Variants in PXDNL observed in about 807,000 individuals in gnomAD.
PXDNL encodes the protein probable oxidoreductase PXDNL.
A neutral mutation model predicts 150.8 loss-of-function variants in PXDNL; 145 were observed. That is an observed-to-expected ratio of 0.96 (90% CI 0.84 to 1.10). PXDNL has a LOEUF of 1.10. Among genes scored for constraint, PXDNL ranks in the 50% least tolerant of loss-of-function variants. PXDNL has a pLI of 0.00. For synonymous variants in PXDNL, 757 were observed against 725.7 expected, an observed-to-expected ratio of 1.04 and a Z score of -0.69; for missense variants, 2,087 against 1,873.9, an observed-to-expected ratio of 1.11 and a Z score of -2.10.
chr8:51,408,714 C>T lies in PXDNL; in HGVS notation c.2910G>A (p.Met970Ile). 2 of 1,592,604 alleles carry T rather than the reference C, an allele frequency of 1.3e-6. No individual in the cohort carries two copies. The highest frequency in any genetic ancestry group is 1.8e-5 in the Admixed American group (1 of 56,892). ...TGTGTTCCCGGAACCACAGGGTGTGCATGGCGGCCAGAGCCAGATGCTCGT... is the reference window on the plus strand; with the variant it reads ...TGTGTTCCCGGAACCACAGGGTGTGTATGGCGGCCAGAGCCAGATGCTCGT... ...RANEHLALAA[M>I]HTLWFREHNR... The change falls in exon 17 of 23, where the codon ATG becomes ATA. Residue 970 changes from methionine (M) to isoleucine (I), a missense_variant. Transcript: ENST00000356297.
chr8:51,361,724 G>A lies in PXDNL; in HGVS notation c.3901+10149C>T, dbSNP rs961545842. Among the ~76,000 whole-genome samples, 20 of 152,142 alleles carry A rather than the reference G, an allele frequency of 1.3e-4. No individual in the cohort carries two copies. In the East Asian group the frequency reaches 3.9e-3, roughly 29 times the overall value. ...CGCCTGTAATCTCAGCACTTTGAGA[G>A]GCCAAGGCAGGTGGATTACTTAAGG... On this transcript the variant is annotated intron_variant, in intron 19 of 22. Transcript: ENST00000356297.
At chr8:51,612,831 G>A (rs1178778196) in intron 2 of PXDNL, among the ~76,000 whole-genome samples, 2 of 152,164 alleles carry the variant, frequency 1.3e-5, no homozygotes, top group East Asian at 3.9e-4. Flanking sequence ...CTCAGTCTAT[G>A]ATATTTTGTT....
At chr8:51,546,156 G>A (rs956494339) in intron 4 of PXDNL, among the ~76,000 whole-genome samples, 4 of 152,222 alleles carry the variant, frequency 2.6e-5, no homozygotes, top group Non-Finnish European at 5.9e-5. Flanking sequence ...TACAAGTGCT[G>A]TGAGACAGCC....
intron 2 of PXDNL, among the ~76,000 whole-genome samples, chr8:51,618,196 G>A (rs7017055): frequency 0.023 from 3,487 of 152,312 alleles, 120 homozygotes; most frequent in African/African-American, 0.079. Context: ...AGACACTGGC[G>A]ATTACCAGAG....
At chr8:51,580,070 T>C (rs186289204) in intron 3 of PXDNL, among the ~76,000 whole-genome samples, 21 of 151,960 alleles carry the variant, frequency 1.4e-4, no homozygotes, top group Admixed American at 6.6e-4. Flanking sequence ...AAAGGTTATA[T>C]ATTTTATGTT....
intron 3 of PXDNL, among the ~76,000 whole-genome samples, chr8:51,567,701 T>C (rs1343709470): frequency 6.6e-6 from 1 of 151,744 alleles, no homozygotes; most frequent in Non-Finnish European, 1.5e-5. Context: ...TGTAACAGAG[T>C]ATAGTCATCC....
chr8:51,531,961 C>T (rs558773808), intron 4 of PXDNL, among the ~76,000 whole-genome samples: 15 of 152,230 alleles, frequency 9.9e-5, no homozygotes, highest in Non-Finnish European at 2.1e-4. Flanking sequence ...AAGAACACTC[C>T]CCAAACACGG....
rs528717180 is a variant in PXDNL, at chr8:51,408,178, C to T, written c.3446G>A (p.Gly1149Glu). ...TCTGAAGTCAACATATGGTGGGATC[C>T]CGTGGTCTCTACCCCTTTGAATGAT... is the stretch of plus-strand genomic sequence containing the variant. Reference protein sequence around the residue: ...ATIIQRGRDHGIPPYVDFRVF... With the variant: ...ATIIQRGRDHEIPPYVDFRVF... The change falls in exon 17 of 23, where the codon GGG becomes GAG. Residue 1149 changes from glycine (G) to glutamate (E), a missense_variant. Coordinates refer to ENST00000356297, the MANE Select transcript of PXDNL (RefSeq NM_144651.5). 1.2e-6 allele frequency: 2 copies of T among 1,613,990 alleles called. No homozygotes were observed. Among genetic ancestry groups the T allele is most frequent in the African/African-American group, 2.7e-5 (2 of 75,040 alleles).
chr8:51,589,324 GC>G (rs1328816996), intron 3 of PXDNL, among the ~76,000 whole-genome samples: 1 of 152,202 alleles, frequency 6.6e-6, no homozygotes, highest in Non-Finnish European at 1.5e-5. Flanking sequence ...CGCAGAAGTA[GC>G]TTTGGAACTG....
chr8:51,537,634 G>A (rs1212486090), intron 4 of PXDNL, among the ~76,000 whole-genome samples: 4 of 152,050 alleles, frequency 2.6e-5, no homozygotes, highest in Admixed American at 1.3e-4. Flanking sequence ...TGAGTGTCTG[G>A]GCCTTTTCCT....
At chr8:51,537,313 T>C (rs986124015) in intron 4 of PXDNL, among the ~76,000 whole-genome samples, 1 of 152,198 alleles carries the variant, frequency 6.6e-6, no homozygotes, top group Non-Finnish European at 1.5e-5. Flanking sequence ...CTGAGCACCA[T>C]GATAAGACAA....
intron 1 of PXDNL, chr8:51,721,619 A>T (rs1450976284): frequency 8.5e-6 from 3 of 352,546 alleles, no homozygotes; most frequent in African/African-American, 2.1e-5. Context: ...TGTACCCTAA[A>T]ACTTAAAGTA....
At chr8:51,377,312 G>A (rs1807354529) in intron 17 of PXDNL, among the ~76,000 whole-genome samples, 1 of 151,910 alleles carries the variant, frequency 6.6e-6, no homozygotes, top group Non-Finnish European at 1.5e-5. Context: ...GCCCATGCTG[G>A]ACTGCAGTGG....
At chr8:51,650,101 CAA>C (rs11451376) in intron 2 of PXDNL, among the ~76,000 whole-genome samples, 7 of 113,330 alleles carry the variant, frequency 6.2e-5, no homozygotes, top group East Asian at 2.6e-4. Context: ...GACTTTGTCT[CAA>C]AAAAAAAAAA....
intron 20 of PXDNL, 189 bp from the exon 21 acceptor site, chr8:51,339,942 T>C: frequency 2.0e-6 from 1 of 500,998 alleles, no homozygotes; most frequent in Non-Finnish European, 3.5e-6. Flanking sequence ...AAGATGATAA[T>C]CCAGAGTGTC....
chr8:51,601,824 G>A (rs1219927936), intron 2 of PXDNL, among the ~76,000 whole-genome samples: 1 of 151,222 alleles, frequency 6.6e-6, no homozygotes, highest in Non-Finnish European at 1.5e-5. Flanking sequence ...GGGTCTGTAG[G>A]CTATGCACTT....
chr8:51,575,969 G>T (rs1319846648), intron 3 of PXDNL, among the ~76,000 whole-genome samples: 1 of 151,452 alleles, frequency 6.6e-6, no homozygotes, highest in East Asian at 1.9e-4. Context: ...CCACCAAGAA[G>T]ACATAGAAAT....
intron 8 of PXDNL, among the ~76,000 whole-genome samples, chr8:51,465,797 A>C (rs1810192585): frequency 6.6e-6 from 1 of 152,194 alleles, no homozygotes; most frequent in African/African-American, 2.4e-5. Context: ...TCTCACTTAC[A>C]ATAGCCACAA....
chr8:51,514,131 C>G (rs1478957141), intron 4 of PXDNL, among the ~76,000 whole-genome samples: 1 of 152,190 alleles, frequency 6.6e-6, no homozygotes, highest in African/African-American at 2.4e-5. Flanking sequence ...TGCTTGAAAT[C>G]CTGAGCATAT....
Sources: allele counts gnomAD v4.1 joint callset (sites outside exome capture counted in the v4.1 genomes callset), GRCh38; gene constraint gnomAD v4.1.1; transcripts MANE v1.5; gene names NCBI Gene and HGNC (gene_info 2026-07-23, HGNC 2026-07-21).